Variants in CNTNAP5 observed in about 807,000 individuals in gnomAD.
The protein encoded by CNTNAP5 is contactin-associated protein-like 5.
CNTNAP5 carries 72 observed loss-of-function variants against 150.2 expected under a neutral mutation model. The observed-to-expected ratio is 0.48, with a 90% CI of 0.40 to 0.58. The LOEUF is 0.58. Among genes scored for constraint, CNTNAP5 ranks in the 20% least tolerant of loss-of-function variants. The pLI is 0.00. For synonymous variants in CNTNAP5, 672 were observed against 619.8 expected, an observed-to-expected ratio of 1.08 and a Z score of -1.25; for missense variants, 1,636 against 1,626.2, an observed-to-expected ratio of 1.01 and a Z score of -0.10.
At chr2:124,849,709 T>A (rs1683117310) in intron 19 of CNTNAP5, among the ~76,000 whole-genome samples, 1 of 152,186 alleles carries the variant, frequency 6.6e-6, no homozygotes, top group Non-Finnish European at 1.5e-5. Flanking sequence ...TACAATTTCT[T>A]TCATCAGCGT....
chr2:124,150,985 T>C (rs1421743853), intron 1 of CNTNAP5, among the ~76,000 whole-genome samples: 1 of 152,138 alleles, frequency 6.6e-6, no homozygotes, highest in Non-Finnish European at 1.5e-5. Context: ...TACATATCTA[T>C]GGGTCAAGCT....
chr2:124,885,352 G>A (rs1282756047), intron 21 of CNTNAP5, among the ~76,000 whole-genome samples: 3 of 152,066 alleles, frequency 2.0e-5, no homozygotes, highest in South Asian at 2.1e-4. Flanking sequence ...ACTTGGATGA[G>A]GGCTTGATTG....
At chr2:124,315,955 G>A (rs1163484750) in intron 3 of CNTNAP5, among the ~76,000 whole-genome samples, 1 of 152,132 alleles carries the variant, frequency 6.6e-6, no homozygotes, top group African/African-American at 2.4e-5. Context: ...GCTGATGTAA[G>A]TCCTGATATA....
At chr2:124,712,204 A>G (rs1679822350) in intron 13 of CNTNAP5, among the ~76,000 whole-genome samples, 1 of 152,250 alleles carries the variant, frequency 6.6e-6, no homozygotes, top group African/African-American at 2.4e-5. Context: ...GGGTGGATAC[A>G]TGAATCAATT....
chr2:124,738,547 A>C (rs1403657669), intron 13 of CNTNAP5, among the ~76,000 whole-genome samples: 2 of 152,090 alleles, frequency 1.3e-5, no homozygotes, highest in African/African-American at 4.8e-5. Flanking sequence ...AGGCTGGCCA[A>C]CATGGTGAAA....
chr2:124,111,174 A>C (rs1470517436), intron 1 of CNTNAP5, among the ~76,000 whole-genome samples: 1 of 152,180 alleles, frequency 6.6e-6, no homozygotes, highest in Non-Finnish European at 1.5e-5. Flanking sequence ...AATTTGGGCA[A>C]ATTCCATACA....
intron 1 of CNTNAP5, among the ~76,000 whole-genome samples, chr2:124,143,701 A>T (rs1182178862): frequency 2.3e-5 from 3 of 130,230 alleles, no homozygotes; most frequent in African/African-American, 8.9e-5. Flanking sequence ...AATGGGCAAA[A>T]ACTGGAAGCA....
intron 3 of CNTNAP5, among the ~76,000 whole-genome samples, chr2:124,349,554 G>A (rs576702441): frequency 3.3e-5 from 5 of 152,092 alleles, no homozygotes; most frequent in South Asian, 4.2e-4. Flanking sequence ...CTTGAGTCCC[G>A]TATATAGTAA....
At chr2:124,158,845 G>T (rs77265649) in intron 1 of CNTNAP5, among the ~76,000 whole-genome samples, 1 of 152,128 alleles carries the variant, frequency 6.6e-6, no homozygotes, top group Non-Finnish European at 1.5e-5. Flanking sequence ...CCTCAAGAGC[G>T]CCTGGCAGGT....
At chr2:124,838,559 G>C (rs1193791547) in intron 19 of CNTNAP5, among the ~76,000 whole-genome samples, 1 of 152,126 alleles carries the variant, frequency 6.6e-6, no homozygotes, top group East Asian at 1.9e-4. Context: ...TAATCTGAAG[G>C]CAACATTCCT....
chr2:124,029,122 C>T (rs1371225580), intron 1 of CNTNAP5, among the ~76,000 whole-genome samples: 1 of 152,052 alleles, frequency 6.6e-6, no homozygotes, highest in Non-Finnish European at 1.5e-5. Flanking sequence ...CACACAAATA[C>T]AGCATTGAGA....
At chr2:124,066,026 C>G (rs1682142920) in intron 1 of CNTNAP5, among the ~76,000 whole-genome samples, 1 of 152,112 alleles carries the variant, frequency 6.6e-6, no homozygotes, top group African/African-American at 2.4e-5. Context: ...ATCAGAGCAG[C>G]CAGCACAACA....
At chr2:124,441,965 A>G (rs1692685421) in intron 5 of CNTNAP5, among the ~76,000 whole-genome samples, 1 of 151,482 alleles carries the variant, frequency 6.6e-6, no homozygotes, top group African/African-American at 2.4e-5. Flanking sequence ...ATTCATAAAA[A>G]TTTCATGAGC....
chr2:124,724,985 C>G (rs886567378), intron 13 of CNTNAP5, among the ~76,000 whole-genome samples: 1 of 139,624 alleles, frequency 7.2e-6, no homozygotes, highest in African/African-American at 2.7e-5. Flanking sequence ...AGAAATTCTT[C>G]CCCATGAAAT....
chr2:124,042,848 G>A (rs1397686279), intron 1 of CNTNAP5, among the ~76,000 whole-genome samples: 1 of 150,764 alleles, frequency 6.6e-6, no homozygotes, highest in African/African-American at 2.4e-5. Flanking sequence ...TTTGAAAAAT[G>A]GGATAAAAAC....
At position 124,780,469 on chromosome 2, in the gene CNTNAP5, A is replaced by G. The variant is rs545275780; in HGVS notation, c.2752+7452A>G. Among the ~76,000 whole-genome samples the G allele has an allele frequency of 2.2e-4, 33 of 152,318 alleles. No homozygotes were observed. In the East Asian group the frequency reaches 5.8e-3, roughly 27 times the overall value. ...GTGTACTTGGAGTGTGAGTGCCTCA[A>G]AAGCTGAATGCAGGTCCTTATAAAG... On this transcript the variant is annotated intron_variant, in intron 17 of 23. Coordinates refer to ENST00000682447, the MANE Select transcript of CNTNAP5 (RefSeq NM_001367498.1).
In CNTNAP5 at chr2:124,196,756, C is replaced by A. The variant is rs557062665; in HGVS notation, c.83-24949C>A. ...ATTAGTAAAATACCAAAGAAACACACCATGATAGTCAAAGCTTACACAGGG... is the reference window on the plus strand; with the variant it reads ...ATTAGTAAAATACCAAAGAAACACAACATGATAGTCAAAGCTTACACAGGG... On this transcript the variant is annotated intron_variant, in intron 1 of 23. Coordinates refer to ENST00000682447, the MANE Select transcript of CNTNAP5 (RefSeq NM_001367498.1). Among the ~76,000 whole-genome samples the A allele has an allele frequency of 2.5e-4, 38 of 152,274 alleles. No homozygotes were observed. The South Asian group carries it at 3.7e-3, about 15-fold the overall frequency.
intron 1 of CNTNAP5, among the ~76,000 whole-genome samples, chr2:124,102,438 C>G (rs73954555): frequency 3.3e-5 from 5 of 152,314 alleles, no homozygotes; most frequent in Admixed American, 3.3e-4. Context: ...AGCGACCAGG[C>G]TCTTCATCCC....
intron 9 of CNTNAP5, among the ~76,000 whole-genome samples, chr2:124,525,259 T>G (rs985135837): frequency 7.2e-5 from 11 of 152,240 alleles, no homozygotes; most frequent in African/African-American, 9.6e-5. Context: ...CCTCAATAGC[T>G]GTCTGACCTT....
Sources: gnomAD v4.1 joint callset for allele counts (sites outside exome capture counted in the v4.1 genomes callset) on GRCh38, gnomAD v4.1.1 for gene constraint, MANE v1.5 for transcripts, NCBI Gene and HGNC (gene_info 2026-07-23, HGNC 2026-07-21) for gene names.